The following XNDC1N variants were observed in gnomAD, a reference collection of about 807,000 sequenced individuals.
The protein encoded by XNDC1N is protein XNDC1N.
chr11:71,884,298 T>C, the XNDC1N span: 4 of 1,293,912 alleles, frequency 3.1e-6, no homozygotes, highest in Admixed American at 1.4e-4. Context: ...TGTTTTTGTT[T>C]TTCTGGGAAA....
chr11:71,906,660 A>C, the XNDC1N span, among the ~76,000 whole-genome samples: 9 of 152,282 alleles, frequency 5.9e-5, no homozygotes, highest in South Asian at 1.9e-3. Context: ...GTTTTCCTAG[A>C]ATATGACGAA....
the XNDC1N span, among the ~76,000 whole-genome samples, chr11:71,888,288 T>A: frequency 6.6e-6 from 1 of 152,160 alleles, no homozygotes; most frequent in African/African-American, 2.4e-5. Context: ...TCATTTGCCA[T>A]CTAGCGGAGC....
At chr11:71,919,838 C>G in the XNDC1N span, among the ~76,000 whole-genome samples, 5 of 142,390 alleles carry the variant, frequency 3.5e-5, no homozygotes, top group East Asian at 6.6e-4. Context: ...AGGATGGTCT[C>G]GATCTCCTGA....
chr11:71,886,395 G>A, the XNDC1N span, among the ~76,000 whole-genome samples: 5 of 152,050 alleles, frequency 3.3e-5, no homozygotes, highest in South Asian at 1.0e-3. Context: ...CCAAGAGTAT[G>A]GAAGGACCCA....
the XNDC1N span, among the ~76,000 whole-genome samples, chr11:71,900,219 TCA>T: frequency 1.6e-4 from 24 of 152,346 alleles, no homozygotes; most frequent in African/African-American, 5.3e-4. Context: ...CTGAGGGAAC[TCA>T]GAGGCCAGTG....
At chr11:71,893,907 GGT>G in the XNDC1N span, 1 of 998,330 alleles carries the variant, frequency 1.0e-6, no homozygotes, top group Non-Finnish European at 1.4e-6. Context: ...TCTTCGTTTT[GGT>G]GTCCTTTTTC....
At chr11:71,908,983 T>C in the XNDC1N span, among the ~76,000 whole-genome samples, 2,248 of 152,242 alleles carry the variant, frequency 0.015, 39 homozygotes, top group African/African-American at 0.052. Context: ...GCCACAAACG[T>C]TAACAAGCTC....
the XNDC1N span, chr11:71,903,288 C>G: frequency 1.5e-6 from 2 of 1,357,590 alleles, no homozygotes; most frequent in Non-Finnish European, 2.1e-6. Context: ...CTGTTCCTGT[C>G]CATGTGCCTG....
the XNDC1N span, chr11:71,894,268 C>A: frequency 1.0e-4 from 41 of 393,604 alleles, no homozygotes; most frequent in East Asian, 2.9e-3. Context: ...TCTGTCACCA[C>A]CCCCCAGGAA....
At chr11:71,912,850 G>T in the XNDC1N span, among the ~76,000 whole-genome samples, 22 of 152,196 alleles carry the variant, frequency 1.4e-4, no homozygotes, top group Admixed American at 9.8e-4. Context: ...GCGATATTGA[G>T]AGTAGTATCA....
the XNDC1N span, among the ~76,000 whole-genome samples, chr11:71,924,771 A>G: frequency 6.6e-6 from 1 of 152,190 alleles, no homozygotes; most frequent in African/African-American, 2.4e-5. Context: ...ATATATGCAA[A>G]AACACACATA....
At chr11:71,900,450 T>C in the XNDC1N span, among the ~76,000 whole-genome samples, 1 of 151,958 alleles carries the variant, frequency 6.6e-6, no homozygotes, top group Non-Finnish European at 1.5e-5. Flanking sequence ...CAGGAGAGTG[T>C]GGTGGACAGA....
At chr11:71,882,069 A>G in the XNDC1N span, among the ~76,000 whole-genome samples, 1 of 152,168 alleles carries the variant, frequency 6.6e-6, no homozygotes, top group African/African-American at 2.4e-5. Flanking sequence ...TGAAACTGCC[A>G]AAAATCAAAG....
At chr11:71,923,705 G>A in the XNDC1N span, among the ~76,000 whole-genome samples, 3 of 151,988 alleles carry the variant, frequency 2.0e-5, no homozygotes, top group Non-Finnish European at 2.9e-5. Context: ...ACAGGTGCCC[G>A]CCACCACGCC....
the XNDC1N span, among the ~76,000 whole-genome samples, chr11:71,919,441 T>C: frequency 6.7e-6 from 1 of 149,706 alleles, no homozygotes; most frequent in African/African-American, 2.5e-5. Flanking sequence ...CAGGCTGGAG[T>C]GCAGTGGCAC....
chr11:71,921,380 G>A, the XNDC1N span, among the ~76,000 whole-genome samples: 1 of 152,148 alleles, frequency 6.6e-6, no homozygotes, highest in Non-Finnish European at 1.5e-5. Flanking sequence ...CTGGGCTCAA[G>A]CAATCTGCCC....
the XNDC1N span, among the ~76,000 whole-genome samples, chr11:71,872,734 A>AT: frequency 6.6e-6 from 1 of 152,190 alleles, no homozygotes; most frequent in East Asian, 1.9e-4. Flanking sequence ...TCTCAAAAAA[A>AT]CAAAAAAAGA....
the XNDC1N span, among the ~76,000 whole-genome samples, chr11:71,920,481 A>C: frequency 4.0e-5 from 6 of 150,392 alleles, no homozygotes; most frequent in African/African-American, 1.5e-4. Flanking sequence ...CTAATTTTGT[A>C]TTTTTAGTAG....
the XNDC1N span, among the ~76,000 whole-genome samples, chr11:71,915,099 C>A: frequency 1.3e-5 from 2 of 152,148 alleles, no homozygotes; most frequent in African/African-American, 4.8e-5. Flanking sequence ...GCAATAACCA[C>A]CCTGATCTGT....
Sources: allele counts gnomAD v4.1 joint callset (sites outside exome capture counted in the v4.1 genomes callset), GRCh38; gene constraint gnomAD v4.1.1; transcripts MANE v1.5; gene names NCBI Gene and HGNC (gene_info 2026-07-23, HGNC 2026-07-21).